Variants in MND1 observed in about 807,000 individuals in gnomAD.
The protein encoded by MND1 is meiotic nuclear division protein 1 homolog.
MND1 carries 28 observed loss-of-function variants against 35.1 expected under a neutral mutation model. The observed-to-expected ratio is 0.80, with a 90% CI of 0.59 to 1.09. The LOEUF is 1.09. MND1 is among the 50% of genes least tolerant of loss of function. The pLI, the probability that MND1 is intolerant of heterozygous loss-of-function variation, is 0.00. For missense variants in MND1, 213 were observed against 239.6 expected (o/e 0.89, Z 0.73); for synonymous variants, 69 against 70.5 (o/e 0.98, Z 0.11).
At chr4:153,357,690 C>T (rs550333154) in intron 3 of MND1, among the ~76,000 whole-genome samples, 1 of 152,028 alleles carries the variant, frequency 6.6e-6, no homozygotes, top group Admixed American at 6.6e-5. Context: ...CCTAATGTCC[C>T]CAGACAAATT....
At chr4:153,353,888 T>G (rs1364493673) in intron 2 of MND1, among the ~76,000 whole-genome samples, 3 of 152,104 alleles carry the variant, frequency 2.0e-5, no homozygotes, top group African/African-American at 7.2e-5. Flanking sequence ...TCCAGCTAAT[T>G]TTTGTATTTT....
At chr4:153,386,812 A>G (rs1348886955) in intron 4 of MND1, among the ~76,000 whole-genome samples, 1 of 152,212 alleles carries the variant, frequency 6.6e-6, no homozygotes, top group Non-Finnish European at 1.5e-5. Context: ...GACACTAAGT[A>G]AAGTATAATC....
intron 7 of MND1, among the ~76,000 whole-genome samples, chr4:153,412,800 C>CT (rs200742297): frequency 0.028 from 4,057 of 145,418 alleles, 207 homozygotes; most frequent in African/African-American, 0.098. Context: ...TCCTTTTCTT[C>CT]TTTTTTTTCT....
chr4:153,406,904 A>C (rs1398106879), intron 6 of MND1, among the ~76,000 whole-genome samples: 1 of 152,242 alleles, frequency 6.6e-6, no homozygotes, highest in African/African-American at 2.4e-5. Flanking sequence ...TCATGGTGGA[A>C]GGTGAAAGGT....
intron 6 of MND1, among the ~76,000 whole-genome samples, chr4:153,404,533 G>A (rs937420457): frequency 1.3e-5 from 2 of 150,116 alleles, no homozygotes; most frequent in African/African-American, 4.9e-5. Context: ...GGAGTGCAGT[G>A]GTGCGATCTC....
At chr4:153,370,900 G>C (rs1369478186) in intron 4 of MND1, among the ~76,000 whole-genome samples, 1 of 152,022 alleles carries the variant, frequency 6.6e-6, no homozygotes, top group Non-Finnish European at 1.5e-5. Context: ...CGTCAGAGGA[G>C]TCACTGTGGC....
At chr4:153,352,713 C>T (rs1773244658) in intron 2 of MND1, among the ~76,000 whole-genome samples, 1 of 139,494 alleles carries the variant, frequency 7.2e-6, no homozygotes, top group Non-Finnish European at 1.5e-5. Flanking sequence ...CACTCAGGCA[C>T]TCTAGCCCAG....
At chr4:153,411,398 TAAA>T (rs1385813048) in intron 7 of MND1, among the ~76,000 whole-genome samples, 1 of 152,156 alleles carries the variant, frequency 6.6e-6, no homozygotes, top group African/African-American at 2.4e-5. Flanking sequence ...TATCCATTCA[TAAA>T]AATTTCTACA....
chr4:153,350,133 A>T lies in MND1; in HGVS notation c.69+4A>T, dbSNP rs779197273. ...GATGGAAATATTTTCTGAAACAGTA[A>T]GTCATTTTCTTTAACACTTATAATT... On this transcript the variant is annotated splice_donor_region_variant and intron_variant, in intron 2 of 7. Coordinates refer to ENST00000240488, the MANE Select transcript of MND1 (RefSeq NM_032117.4). The T allele has an allele frequency of 1.9e-6, 3 of 1,598,716 alleles. No individual in the cohort carries two copies. The highest frequency in any genetic ancestry group is 2.6e-6 in the Non-Finnish European group (3 of 1,170,446).
At chr4:153,370,728 C>T (rs1012576611) in intron 4 of MND1, among the ~76,000 whole-genome samples, 11 of 151,988 alleles carry the variant, frequency 7.2e-5, no homozygotes, top group African/African-American at 2.4e-4. Context: ...CGATGTTGGC[C>T]AGGCTGGCCT....
intron 7 of MND1, among the ~76,000 whole-genome samples, chr4:153,410,618 T>G (rs1729655169): frequency 6.6e-6 from 1 of 152,198 alleles, no homozygotes; most frequent in African/African-American, 2.4e-5. Flanking sequence ...CAGTCTTACT[T>G]ATCATATAGC....
chr4:153,408,675 A>C (rs1381280428), intron 6 of MND1, among the ~76,000 whole-genome samples: 1 of 152,010 alleles, frequency 6.6e-6, no homozygotes, highest in East Asian at 1.9e-4. Context: ...TCTTTAAAGG[A>C]GCAAGTACAA....
At chr4:153,355,163 CA>C (rs11333837) in intron 2 of MND1, among the ~76,000 whole-genome samples, 82,942 of 150,082 alleles carry the variant, frequency 0.55, 24,679 homozygotes, top group African/African-American at 0.81. Context: ...AACCATGTCT[CA>C]AAAAAAAAAT....
At chr4:153,351,778 A>G (rs144540635) in intron 2 of MND1, among the ~76,000 whole-genome samples, 83 of 152,358 alleles carry the variant, frequency 5.4e-4, no homozygotes, top group African/African-American at 1.9e-3. Context: ...ATAGATGTCA[A>G]TAGTAGCCCC....
chr4:153,404,831 A>C (rs1729450451), intron 6 of MND1, among the ~76,000 whole-genome samples: 1 of 152,140 alleles, frequency 6.6e-6, no homozygotes, highest in Non-Finnish European at 1.5e-5. Flanking sequence ...TTAGCTAGAC[A>C]AAAGAGAAAT....
At chr4:153,410,713 G>A (rs533089544) in intron 7 of MND1, among the ~76,000 whole-genome samples, 8 of 152,232 alleles carry the variant, frequency 5.3e-5, no homozygotes, top group Non-Finnish European at 7.4e-5. Flanking sequence ...AGTCCTGGCC[G>A]GGCGTGGTGG....
At chr4:153,358,195 GAGTT>G (rs1290233810) in intron 3 of MND1, among the ~76,000 whole-genome samples, 1 of 152,180 alleles carries the variant, frequency 6.6e-6, no homozygotes, top group Non-Finnish European at 1.5e-5. Flanking sequence ...TTACTGCTAA[GAGTT>G]AGGATTAGAA....
chr4:153,377,526 C>G (rs1728543210), intron 4 of MND1, among the ~76,000 whole-genome samples: 1 of 152,140 alleles, frequency 6.6e-6, no homozygotes, highest in African/African-American at 2.4e-5. Flanking sequence ...AGTTTCTGTT[C>G]TCTAGAACCT....
chr4:153,389,728 T>C (rs1728968112), intron 4 of MND1, among the ~76,000 whole-genome samples: 1 of 152,236 alleles, frequency 6.6e-6, no homozygotes, highest in South Asian at 2.1e-4. Context: ...GTATTTCTTT[T>C]AAAGACAAAC....
Sources: gnomAD v4.1 joint callset for allele counts (sites outside exome capture counted in the v4.1 genomes callset) on GRCh38, gnomAD v4.1.1 for gene constraint, MANE v1.5 for transcripts, NCBI Gene and HGNC (gene_info 2026-07-23, HGNC 2026-07-21) for gene names.